The following ABCA4 variants were observed in gnomAD, a reference collection of about 807,000 sequenced individuals.
ABCA4 encodes the protein ATP binding cassette subfamily A member 4.
A neutral mutation model predicts 263.7 loss-of-function variants in ABCA4; 196 were observed. The ratio of observed to expected loss-of-function variants is 0.74; its 90% confidence interval spans 0.66 to 0.84. The LOEUF is 0.84. Ranked by LOEUF, ABCA4 falls within the 40% of genes least tolerant of loss-of-function variation. The pLI is 0.00. For missense variants in ABCA4, 2,792 were observed against 2,855.1 expected (o/e 0.98, Z 0.50); for synonymous variants, 1,133 against 1,094.2 (o/e 1.04, Z -0.70).
intron 10 of ABCA4, among the ~76,000 whole-genome samples, chr1:94,078,284 T>C (rs1470676782): frequency 6.6e-6 from 1 of 152,176 alleles, no homozygotes; most frequent in Non-Finnish European, 1.5e-5. Flanking sequence ...AGCTGGCCCC[T>C]TGGGGAGATG....
At chr1:94,083,026 C>G (rs1222594562) in intron 7 of ABCA4, among the ~76,000 whole-genome samples, 1 of 152,206 alleles carries the variant, frequency 6.6e-6, no homozygotes, top group East Asian at 1.9e-4. Flanking sequence ...AAGACTGTAA[C>G]AGAATAATGA....
Position 94,045,980 on chromosome 1 carries a change from C to G in ABCA4, c.2918+939G>C, listed in dbSNP as rs754355958. On this transcript the variant is annotated intron_variant, in intron 19 of 49. Transcript: ENST00000370225. ...CGCCTGCGGAGCTGAGAGATCCGCG[C>G]AGAGCCCCTTTGCCTTCCCTGCCCT... 36 of 455,982 alleles carry G rather than the reference C, an allele frequency of 7.9e-5. 1 individual carries two copies. Among genetic ancestry groups the G allele is most frequent in the African/African-American group, 6.8e-4 (34 of 50,184 alleles). The allele number at this position is 455,982 out of a possible 1,614,324, so 28.2% of individuals were successfully genotyped here. A position where few individuals can be genotyped will look rare whatever the true frequency, so the allele number is the denominator to read the frequency against.
intron 35 of ABCA4, 27 bp from the exon 36 acceptor site, chr1:94,019,786 G>A (rs1465621228): frequency 1.2e-6 from 2 of 1,602,004 alleles, no homozygotes; most frequent in Non-Finnish European, 1.7e-6. Context: ...GACACAGGGA[G>A]AGGGCGATGA....
intron 22 of ABCA4, among the ~76,000 whole-genome samples, chr1:94,041,782 C>T (rs948989119): frequency 8.5e-5 from 13 of 152,212 alleles, no homozygotes; most frequent in African/African-American, 2.9e-4. Context: ...CATACTCTCA[C>T]TAACTGGAGA....
intron 38 of ABCA4, 51 bp from the exon 39 acceptor site, chr1:94,011,436 T>C (rs535400633): frequency 1.8e-4 from 183 of 1,018,180 alleles, no homozygotes; most frequent in South Asian, 1.8e-3. Flanking sequence ...CCACCCCCCC[T>C]CTCTTCAGCA....
At chr1:94,112,746 G>A (rs1354927852) in intron 2 of ABCA4, among the ~76,000 whole-genome samples, 1 of 152,236 alleles carries the variant, frequency 6.6e-6, no homozygotes, top group African/African-American at 2.4e-5. Context: ...AGTGTGCCAT[G>A]GTCCTAACAC....
intron 43 of ABCA4, among the ~76,000 whole-genome samples, chr1:94,006,214 G>T (rs1659380962): frequency 6.6e-6 from 1 of 152,210 alleles, no homozygotes; most frequent in South Asian, 2.1e-4. Context: ...TATGAATAAA[G>T]GATGGATGAT....
At position 94,031,868 on chromosome 1, in the gene ABCA4, C is replaced by T. The variant is rs142418039; in HGVS notation, c.4038G>A (p.Thr1346=). The change falls in exon 27 of 50, where the codon ACG becomes ACA. Residue 1346 remains threonine (T), a synonymous_variant. Transcript: ENST00000370225. ...EPECPGPQLN[T]GTQLVLQHVQ... Reference sequence around the variant, plus strand: ...CATGCTGGAGGACCAGCTGTGTCCCCGTGTTGAGCTGCGGGCCTGGGCACT... The same window carrying T: ...CATGCTGGAGGACCAGCTGTGTCCCTGTGTTGAGCTGCGGGCCTGGGCACT... 2.2e-5 allele frequency: 36 copies of T among 1,614,056 alleles called. No individual in the cohort carries two copies. Among genetic ancestry groups the T allele is most frequent in the Non-Finnish European group, 2.4e-5 (28 of 1,180,032 alleles).
intron 22 of ABCA4, 61 bp downstream of exon 22, chr1:94,042,699 TG>T: frequency 1.9e-6 from 3 of 1,610,152 alleles, no homozygotes; most frequent in Non-Finnish European, 2.5e-6. Flanking sequence ...GGTGAGAGAG[TG>T]GGGACCACAG....
At chr1:94,052,175 A>G (rs1382174885) in intron 16 of ABCA4, among the ~76,000 whole-genome samples, 4 of 152,220 alleles carry the variant, frequency 2.6e-5, no homozygotes, top group Non-Finnish European at 1.5e-5. Context: ...AGATTCAGCC[A>G]TCTGCCCCCC....
chr1:94,001,081 G>T lies in ABCA4; in HGVS notation c.6307C>A (p.Pro2103Thr). ...TTCCACAGCATGCGGCGTGCCTGGG[G>T]GTCCATCCCTGTGGTGGGCTCATCC... ...LLDEPTTGMD[P>T]QARRMLWNVI... The change falls in exon 46 of 50, where the codon CCC becomes ACC. Residue 2103 changes from proline to threonine, a missense_variant. By Grantham distance (38) the Pro-to-Thr change is conservative. Coordinates refer to ENST00000370225, the MANE Select transcript of ABCA4 (RefSeq NM_000350.3). 1 of 1,614,070 alleles carries T rather than the reference G, an allele frequency of 6.2e-7. No homozygotes were observed. Among genetic ancestry groups the T allele is most frequent in the Non-Finnish European group, 8.5e-7 (1 of 1,180,030 alleles).
intron 16 of ABCA4, among the ~76,000 whole-genome samples, chr1:94,053,229 A>C (rs1355347239): frequency 6.6e-6 from 1 of 152,166 alleles, no homozygotes; most frequent in African/African-American, 2.4e-5. Context: ...GGATTTTGGC[A>C]AAAGTGTGGG....
chr1:94,109,976 A>G (rs1662558666), intron 3 of ABCA4, among the ~76,000 whole-genome samples: 1 of 152,126 alleles, frequency 6.6e-6, no homozygotes, highest in African/African-American at 2.4e-5. Flanking sequence ...GTTTTCCGCA[A>G]TAACATCTAT....
rs770148716 is a variant in ABCA4, at chr1:94,005,590, A to T, written c.6006-8T>A. The T allele has an allele frequency of 6.2e-7, 1 of 1,612,768 alleles. No homozygotes were observed. Among genetic ancestry groups the T allele is most frequent in the African/African-American group, 1.3e-5 (1 of 74,916 alleles). On this transcript the variant is annotated splice_polypyrimidine_tract_variant and splice_region_variant and intron_variant, in intron 43 of 49. Transcript: ENST00000370225. ...GAAATATTGGTTAAAATACTGCAAG[A>T]AAAAAAGCAATTACTGAGTATCCTT...
At chr1:94,068,091 C>T (rs1362631639) in intron 11 of ABCA4, among the ~76,000 whole-genome samples, 1 of 152,104 alleles carries the variant, frequency 6.6e-6, no homozygotes, top group Non-Finnish European at 1.5e-5. Flanking sequence ...GGGAACATAT[C>T]CCATCCTGAG....
intron 19 of ABCA4, among the ~76,000 whole-genome samples, chr1:94,045,148 G>A (rs1660640283): frequency 6.6e-6 from 1 of 152,194 alleles, no homozygotes. Flanking sequence ...CATGGCTATT[G>A]AAAAGCCAGG....
intron 6 of ABCA4, among the ~76,000 whole-genome samples, chr1:94,098,284 C>A (rs1662185587): frequency 6.6e-6 from 1 of 152,190 alleles, no homozygotes; most frequent in African/African-American, 2.4e-5. Context: ...AAACACCAAC[C>A]ATTGAGGTTG....
intron 21 of ABCA4, 31 bp from the exon 22 acceptor site, chr1:94,042,929 G>C: frequency 1.9e-6 from 3 of 1,614,100 alleles, no homozygotes; most frequent in Non-Finnish European, 2.5e-6. Flanking sequence ...GGAGAGTTAA[G>C]GGGCTGTGGA....
chr1:94,119,411 A>G (rs1662886936), intron 1 of ABCA4, among the ~76,000 whole-genome samples: 1 of 152,102 alleles, frequency 6.6e-6, no homozygotes, highest in African/African-American at 2.4e-5. Flanking sequence ...CAGGTTTTGG[A>G]GCCATCCATG....
Sources: gnomAD v4.1 joint callset for allele counts (sites outside exome capture counted in the v4.1 genomes callset) on GRCh38, gnomAD v4.1.1 for gene constraint, MANE v1.5 for transcripts, NCBI Gene and HGNC (gene_info 2026-07-23, HGNC 2026-07-21) for gene names.